The following CTNND2 variants were observed in gnomAD, a reference collection of about 807,000 sequenced individuals.
The protein encoded by CTNND2 is catenin delta 2, also known as catenin delta-2.
In CTNND2, 22 loss-of-function variants were observed where a neutral mutation model predicts 144.4. The ratio of observed to expected loss-of-function variants is 0.15; its 90% CI spans 0.11 to 0.22. CTNND2 has a LOEUF of 0.22. CTNND2 is among the 10% of genes least tolerant of loss of function. CTNND2 has a pLI of 1.00. For missense variants in CTNND2, 1,353 were observed against 1,618.8 expected (o/e 0.84, Z 2.82); for synonymous variants, 751 against 695.6 (o/e 1.08, Z -1.25).
intron 15 of CTNND2, chr5:11,083,938 C>A: frequency 8.7e-7 from 1 of 1,147,724 alleles, no homozygotes; most frequent in Non-Finnish European, 1.1e-6. Context: ...CCATGCCTGC[C>A]ACATCCTCAG....
intron 1 of CTNND2, among the ~76,000 whole-genome samples, chr5:11,852,203 C>T (rs1795049506): frequency 6.6e-6 from 1 of 152,086 alleles, no homozygotes; most frequent in East Asian, 1.9e-4. Flanking sequence ...AGGAATGTCA[C>T]CCAGAGACTG....
At chr5:11,577,001 A>G (rs1778022499) in intron 2 of CTNND2, among the ~76,000 whole-genome samples, 1 of 152,182 alleles carries the variant, frequency 6.6e-6, no homozygotes, top group Non-Finnish European at 1.5e-5. Flanking sequence ...GTTTTCTAGT[A>G]TATATATGAA....
intron 16 of CTNND2, among the ~76,000 whole-genome samples, chr5:11,055,392 A>T (rs547666344): frequency 6.6e-6 from 1 of 152,300 alleles, no homozygotes; most frequent in East Asian, 1.9e-4. Flanking sequence ...GGGGTGAGAC[A>T]TGGCATAAAC....
At chr5:11,404,721 G>T (rs572654307) in intron 5 of CTNND2, among the ~76,000 whole-genome samples, 1 of 142,266 alleles carries the variant, frequency 7.0e-6, no homozygotes, top group African/African-American at 2.5e-5. Context: ...AGGTTCAAGC[G>T]ATTCTCCTGC....
intron 3 of CTNND2, among the ~76,000 whole-genome samples, chr5:11,460,053 C>T (rs1047681497): frequency 2.2e-4 from 34 of 152,152 alleles, no homozygotes; most frequent in African/African-American, 8.2e-4. Context: ...CAAGATCACC[C>T]GACTGGGATG....
chr5:11,766,260 G>C (rs1412443845), intron 1 of CTNND2, among the ~76,000 whole-genome samples: 1 of 152,170 alleles, frequency 6.6e-6, no homozygotes, highest in African/African-American at 2.4e-5. Flanking sequence ...AAGTTACAAT[G>C]GTATTAGTGT....
At chr5:11,647,332 G>A (rs1314429148) in intron 2 of CTNND2, among the ~76,000 whole-genome samples, 1 of 152,094 alleles carries the variant, frequency 6.6e-6, no homozygotes, top group African/African-American at 2.4e-5. Context: ...AACTTCAGCT[G>A]CAAAAAGAGC....
chr5:11,772,957 T>C (rs995306339), intron 1 of CTNND2, among the ~76,000 whole-genome samples: 8 of 152,232 alleles, frequency 5.3e-5, no homozygotes, highest in Non-Finnish European at 8.8e-5. Flanking sequence ...AATGCATCTT[T>C]TTCTCAAAGA....
chr5:11,608,248 G>A (rs1339095915), intron 2 of CTNND2, among the ~76,000 whole-genome samples: 2 of 152,068 alleles, frequency 1.3e-5, no homozygotes, highest in African/African-American at 4.8e-5. Flanking sequence ...CTGGCCTAAG[G>A]CTTTAAACAT....
At chr5:11,263,451 TA>T (rs1390735298) in intron 9 of CTNND2, among the ~76,000 whole-genome samples, 2 of 151,980 alleles carry the variant, frequency 1.3e-5, no homozygotes, top group East Asian at 1.9e-4. Context: ...TGATAGTCAA[TA>T]AAAAAAGATA....
intron 1 of CTNND2, among the ~76,000 whole-genome samples, chr5:11,801,144 G>A (rs542956346): frequency 6.6e-6 from 1 of 152,282 alleles, no homozygotes; most frequent in East Asian, 1.9e-4. Flanking sequence ...TTTTGTCGTT[G>A]TTGTTCTGTG....
intron 9 of CTNND2, among the ~76,000 whole-genome samples, chr5:11,332,275 CAAAA>C (rs5865932): frequency 1.2e-5 from 1 of 81,534 alleles, no homozygotes. Context: ...AACTCCGTCT[CAAAA>C]AAAAAAAAAA....
intron 1 of CTNND2, among the ~76,000 whole-genome samples, chr5:11,836,992 C>T (rs1396941842): frequency 6.6e-6 from 1 of 152,018 alleles, no homozygotes; most frequent in Admixed American, 6.5e-5. Context: ...TAGAGCCTAA[C>T]TATTAGGATA....
chr5:11,786,277 T>A (rs1446153079), intron 1 of CTNND2, among the ~76,000 whole-genome samples: 3 of 152,318 alleles, frequency 2.0e-5, no homozygotes, highest in Admixed American at 6.5e-5. Context: ...AGTGTAAGAC[T>A]GCCCTCTCAG....
chr5:11,512,137 G>A (rs1771707877), intron 3 of CTNND2, among the ~76,000 whole-genome samples: 1 of 151,978 alleles, frequency 6.6e-6, no homozygotes, highest in Non-Finnish European at 1.5e-5. Context: ...CAGTCTCATT[G>A]GGCCCCACAC....
intron 3 of CTNND2, among the ~76,000 whole-genome samples, chr5:11,476,165 C>T (rs982486517): frequency 6.6e-6 from 1 of 151,944 alleles, no homozygotes; most frequent in African/African-American, 2.4e-5. Context: ...ACCACTGCAC[C>T]CAGCCGGGAC....
At chr5:11,224,166 G>A (rs1740084888) in intron 10 of CTNND2, among the ~76,000 whole-genome samples, 1 of 152,126 alleles carries the variant, frequency 6.6e-6, no homozygotes, top group Admixed American at 6.5e-5. Flanking sequence ...GTCCCAGGCT[G>A]TTAGCAATAT....
At chr5:11,567,877 T>A (rs1251346633) in intron 2 of CTNND2, among the ~76,000 whole-genome samples, 1 of 152,224 alleles carries the variant, frequency 6.6e-6, no homozygotes, top group Non-Finnish European at 1.5e-5. Flanking sequence ...GACATTTTCA[T>A]TTTACTTCTT....
chr5:11,872,700 A>G (rs572001300), intron 1 of CTNND2, among the ~76,000 whole-genome samples: 4 of 152,184 alleles, frequency 2.6e-5, no homozygotes, highest in South Asian at 4.1e-4. Flanking sequence ...GTGTCTGTTC[A>G]TATCCTTTGT....
Sources: allele counts gnomAD v4.1 joint callset (sites outside exome capture counted in the v4.1 genomes callset), GRCh38; gene constraint gnomAD v4.1.1; transcripts MANE v1.5; gene names NCBI Gene and HGNC (gene_info 2026-07-23, HGNC 2026-07-21).